Variants in TESK2 observed in about 807,000 individuals in gnomAD.
TESK2 encodes testis associated actin remodelling kinase 2, also known as dual specificity testis-specific protein kinase 2.
A neutral mutation model predicts 57.1 loss-of-function variants in TESK2; 39 were observed. The ratio of observed to expected loss-of-function variants is 0.68; its 90% CI spans 0.53 to 0.89. TESK2 has a LOEUF of 0.89. TESK2 is among the 40% of genes least tolerant of loss of function. TESK2 has a pLI of 0.00. For missense variants in TESK2, 646 were observed against 732.1 expected (o/e 0.88, Z 1.36); for synonymous variants, 249 against 267.9 (o/e 0.93, Z 0.69).
intron 2 of TESK2, among the ~76,000 whole-genome samples, chr1:45,425,804 T>C (rs1224618744): frequency 6.6e-6 from 1 of 152,074 alleles, no homozygotes; most frequent in Admixed American, 6.6e-5. Flanking sequence ...CTAAACTTTC[T>C]ATGGAATCAC....
rs200294172 is a variant in TESK2, at chr1:45,346,692, C to T, written c.879+1G>A. 4.3e-6 allele frequency: 7 copies of T among 1,612,450 alleles called. No homozygotes were observed. The South Asian group carries it at 4.4e-5, about 10-fold the overall frequency. On this transcript the variant is annotated splice_donor_variant, in intron 9 of 10. Coordinates refer to ENST00000372086, the MANE Select transcript of TESK2 (RefSeq NM_007170.3). LOFTEE classifies it high-confidence loss of function. ...AAAGGCAGAGGGAGAAAGACACTCACGTTACAGCAGTTGAAAGTAAGTTGC... is the reference window on the plus strand; with the variant it reads ...AAAGGCAGAGGGAGAAAGACACTCATGTTACAGCAGTTGAAAGTAAGTTGC...
In TESK2 at chr1:45,457,623, G is replaced by GC. The variant is rs1487825183; in HGVS notation, c.162dup (p.Arg55AlafsTer4). On this transcript the variant is annotated frameshift_variant, in exon 2 of 11. Transcript: ENST00000372086. LOFTEE classifies it high-confidence loss of function. Reference sequence around the variant, plus strand: ...TTTTCACAGGTGAAATCATCCAAACGCGTCAGTCTGGAAAAGGCACTTATA... The same window carrying GC: ...TTTTCACAGGTGAAATCATCCAAACGCCGTCAGTCTGGAAAAGGCACTTATA... 5 of 1,613,842 alleles carry GC rather than the reference G, an allele frequency of 3.1e-6. No individual in the cohort carries two copies. The highest frequency in any genetic ancestry group is 1.3e-5 in the African/African-American group (1 of 74,858).
intron 7 of TESK2, among the ~76,000 whole-genome samples, chr1:45,347,333 A>G (rs966188088): frequency 1.3e-5 from 2 of 152,174 alleles, no homozygotes; most frequent in Non-Finnish European, 2.9e-5. Context: ...CAAGAGGCCG[A>G]GGTGGGCAGA....
At chr1:45,400,110 T>C (rs899137406) in intron 3 of TESK2, among the ~76,000 whole-genome samples, 1 of 152,146 alleles carries the variant, frequency 6.6e-6, no homozygotes, top group Admixed American at 6.6e-5. Flanking sequence ...GTCAGAAGAC[T>C]TTAAAAGAGA....
intron 4 of TESK2, among the ~76,000 whole-genome samples, chr1:45,374,183 C>G (rs1027173562): frequency 6.6e-6 from 1 of 152,200 alleles, no homozygotes; most frequent in African/African-American, 2.4e-5. Flanking sequence ...AGGCAGATAT[C>G]TTTGCAGCTA....
intron 1 of TESK2, among the ~76,000 whole-genome samples, chr1:45,487,344 T>C (rs936843510): frequency 3.3e-5 from 5 of 152,160 alleles, no homozygotes; most frequent in African/African-American, 9.7e-5. Flanking sequence ...GAACCACCAA[T>C]CCAACTCTGG....
At chr1:45,485,280 C>G (rs7549169) in intron 1 of TESK2, among the ~76,000 whole-genome samples, 109,924 of 149,022 alleles carry the variant, frequency 0.74, 40,976 homozygotes, top group East Asian at 0.93. Flanking sequence ...CTCCACCTCC[C>G]GGGTTCACGC....
chr1:45,435,674 T>C (rs1651175084), intron 2 of TESK2, among the ~76,000 whole-genome samples: 1 of 150,300 alleles, frequency 6.7e-6, no homozygotes, highest in Admixed American at 6.7e-5. Context: ...ACCCCTATGT[T>C]TTCTTCTAGT....
At chr1:45,410,673 C>G (rs1290724822) in intron 3 of TESK2, among the ~76,000 whole-genome samples, 1 of 152,048 alleles carries the variant, frequency 6.6e-6, no homozygotes. Flanking sequence ...TCCACATTCA[C>G]TCACCCTTAA....
intron 3 of TESK2, among the ~76,000 whole-genome samples, chr1:45,407,961 A>G (rs1039871855): frequency 3.9e-5 from 6 of 152,108 alleles, no homozygotes; most frequent in African/African-American, 1.2e-4. Flanking sequence ...TCACACCCCC[A>G]CTTCCCAACA....
intron 3 of TESK2, among the ~76,000 whole-genome samples, chr1:45,404,810 T>C (rs1649769248): frequency 6.6e-6 from 1 of 152,100 alleles, no homozygotes; most frequent in Non-Finnish European, 1.5e-5. Flanking sequence ...CCCAAAGTAC[T>C]AGGATTACAG....
intron 1 of TESK2, among the ~76,000 whole-genome samples, chr1:45,459,385 T>A (rs906006205): frequency 6.6e-6 from 1 of 152,078 alleles, no homozygotes; most frequent in African/African-American, 2.4e-5. Flanking sequence ...TGAGGTTCCA[T>A]GAGATCTACC....
intron 4 of TESK2, among the ~76,000 whole-genome samples, chr1:45,376,119 CTGTATT>C (rs1375396391): frequency 6.6e-6 from 1 of 151,390 alleles, no homozygotes. Context: ...ACATGTCAAA[CTGTATT>C]TGTAGAAATA....
Position 45,346,975 on chromosome 1 carries a change from T to C in TESK2, c.792+4A>G. On this transcript the variant is annotated splice_donor_region_variant and intron_variant, in intron 8 of 10. Transcript: ENST00000372086. ...TGGCAATGATCCCCATGCTTGCAGC[T>C]CACCTCTGTGCGGGGAAGATAGTCC... The C allele has an allele frequency of 6.2e-7, 1 of 1,614,066 alleles. No homozygotes were observed. Among genetic ancestry groups the C allele is most frequent in the African/African-American group, 1.3e-5 (1 of 75,042 alleles).
At chr1:45,396,158 C>G (rs976998410) in intron 3 of TESK2, among the ~76,000 whole-genome samples, 3 of 152,078 alleles carry the variant, frequency 2.0e-5, no homozygotes, top group East Asian at 1.9e-4. Context: ...GTCACCCAGG[C>G]TAGAATGCAG....
rs773352091 is a variant in TESK2 at position 45,421,742 on chromosome 1, G to A, written c.327C>T (p.Ser109=). ...GCCATTACCTAAGGATGTTGGGATG[G>A]GAGAGTCTATTCATGAGCTGTACTT... ...LKEVQLMNRL[S]HPNILRFMGV... The change falls in exon 3 of 11, where the codon TCC becomes TCT. Residue 109 remains serine (S), a synonymous_variant. Coordinates refer to ENST00000372086, the MANE Select transcript of TESK2 (RefSeq NM_007170.3). The A allele has an allele frequency of 1.2e-6, 2 of 1,614,060 alleles. No homozygotes were observed. The highest frequency in any genetic ancestry group is 1.7e-6 in the Non-Finnish European group (2 of 1,179,974).
intron 1 of TESK2, among the ~76,000 whole-genome samples, chr1:45,475,230 T>TTTTTTTTTTTTG (rs1652938113): frequency 6.9e-6 from 1 of 144,360 alleles, no homozygotes. Flanking sequence ...TTTTTTTTTT[T>TTTTTTTTTTTTG]GAGTCTCGTT....
chr1:45,364,284 G>T (rs1248554679), intron 4 of TESK2, among the ~76,000 whole-genome samples: 1 of 152,144 alleles, frequency 6.6e-6, no homozygotes, highest in African/African-American at 2.4e-5. Context: ...AGTAGGGCAG[G>T]CCCTTAATCC....
At chr1:45,469,154 T>C (rs1210015807) in intron 1 of TESK2, among the ~76,000 whole-genome samples, 1 of 152,186 alleles carries the variant, frequency 6.6e-6, no homozygotes, top group East Asian at 1.9e-4. Context: ...GAAAGTAATT[T>C]GAAAAGCTAC....
Sources: gnomAD v4.1 joint callset for allele counts (sites outside exome capture counted in the v4.1 genomes callset) on GRCh38, gnomAD v4.1.1 for gene constraint, MANE v1.5 for transcripts, NCBI Gene and HGNC (gene_info 2026-07-23, HGNC 2026-07-21) for gene names.